ARAP2: variants seen among roughly 807,000 people sequenced by gnomAD.
ARAP2 encodes the protein arf-GAP with Rho-GAP domain, ANK repeat and PH domain-containing protein 2.
Under a neutral mutation model 194.5 loss-of-function variants are expected in ARAP2, and 148 were observed. That is an observed-to-expected ratio of 0.76 (90% CI 0.67 to 0.87). The LOEUF (loss-of-function observed/expected upper bound fraction) is 0.87. Among genes scored for constraint, ARAP2 ranks in the 40% least tolerant of loss-of-function variants. ARAP2 has a pLI of 0.00. For missense variants in ARAP2, 2,128 were observed against 1,989.7 expected (o/e 1.07, Z -1.32); for synonymous variants, 695 against 683.5 (o/e 1.02, Z -0.26).
rs1446647585 is a variant in ARAP2 at position 36,067,172 on chromosome 4, T to C, written c.*735A>G. 1 of 152,418 alleles carries C rather than the reference T, an allele frequency of 6.6e-6. No individual in the cohort carries two copies. Among genetic ancestry groups the C allele is most frequent in the Non-Finnish European group, 1.5e-5 (1 of 68,040 alleles). The allele number at this position is 152,418 out of a possible 1,614,324, so 9.4% of individuals were successfully genotyped here. A position where few individuals can be genotyped will look rare whatever the true frequency, so the allele number is the denominator to read the frequency against. ...GCTCAAACGTAGTGAATCTGTAATG[T>C]GGCTGGTTTTCTAACACTATAAATA... On this transcript the variant is annotated 3_prime_UTR_variant, in exon 33 of 33. Coordinates refer to ENST00000303965, the MANE Select transcript of ARAP2 (RefSeq NM_015230.4).
At position 36,072,667 on chromosome 4, in the gene ARAP2, C is replaced by CAAA. The variant is rs34942520; in HGVS notation, c.4743+1019_4743+1021dup. On this transcript the variant is annotated intron_variant, in intron 32 of 32. Transcript: ENST00000303965. Reference sequence around the variant, plus strand: ...GAGCGGTTTATTACCTAAAAAAAAACAAAAAAAAAACCCCAAAAAAAACAA... The same window carrying CAAA: ...GAGCGGTTTATTACCTAAAAAAAAACAAAAAAAAAAAAACCCCAAAAAAAACAA... Among the ~76,000 whole-genome samples, 44 of 128,654 alleles carry CAAA rather than the reference C, an allele frequency of 3.4e-4. 1 individual carries two copies. The highest frequency in any genetic ancestry group is 3.0e-3 in the Admixed American group (40 of 13,240). 84.4% of individuals were successfully genotyped at this position (128,654 alleles called of 152,430 possible).
intron 20 of ARAP2, 70 bp from the exon 21 acceptor site, chr4:36,128,815 A>C (rs1007431868): frequency 1.6e-6 from 2 of 1,243,536 alleles, no homozygotes; most frequent in Non-Finnish European, 2.3e-6. Flanking sequence ...TTTTAAAAAC[A>C]AAACAAATGT....
chr4:36,226,200 C>T (rs1750269136), intron 2 of ARAP2, among the ~76,000 whole-genome samples: 1 of 151,810 alleles, frequency 6.6e-6, no homozygotes, highest in African/African-American at 2.4e-5. Context: ...AAATTATTTA[C>T]TACTAATTTT....
downstream of ARAP2, among the ~76,000 whole-genome samples, chr4:36,064,505 C>G (rs1310655629): frequency 6.6e-6 from 1 of 152,146 alleles, no homozygotes; most frequent in Non-Finnish European, 1.5e-5. Flanking sequence ...ACTTGCTGGC[C>G]CAGTTTGGGC....
intron 25 of ARAP2, among the ~76,000 whole-genome samples, chr4:36,114,935 T>C (rs1320559087): frequency 2.0e-5 from 3 of 152,168 alleles, no homozygotes; most frequent in Non-Finnish European, 1.5e-5. Context: ...TTTGTTTCTT[T>C]TTGTTTTTGC....
intron 20 of ARAP2, among the ~76,000 whole-genome samples, chr4:36,132,067 A>T (rs1725583921): frequency 6.6e-6 from 1 of 151,804 alleles, no homozygotes; most frequent in Admixed American, 6.6e-5. Flanking sequence ...TCCCTAGAAC[A>T]AGAGATTAAA....
At chr4:36,242,522 C>T (rs10015238) in intron 1 of ARAP2, among the ~76,000 whole-genome samples, 8,142 of 152,132 alleles carry the variant, frequency 0.054, 741 homozygotes, top group African/African-American at 0.19. Context: ...CAGAATTCTA[C>T]GTAGACTTTA....
intron 28 of ARAP2, among the ~76,000 whole-genome samples, chr4:36,091,048 A>C (rs749332010): frequency 7.2e-5 from 11 of 152,136 alleles, no homozygotes; most frequent in Non-Finnish European, 1.0e-4. Context: ...TGTATATATA[A>C]TACACATATA....
chr4:36,151,095 A>G (rs1730862718), intron 15 of ARAP2, 51 bp from the exon 16 acceptor site: 1 of 1,508,206 alleles, frequency 6.6e-7, no homozygotes. Flanking sequence ...CACGAATCCA[A>G]TTTTAAAAAC....
At chr4:36,100,960 C>T (rs111232114) in intron 27 of ARAP2, among the ~76,000 whole-genome samples, 30 of 151,632 alleles carry the variant, frequency 2.0e-4, no homozygotes, top group African/African-American at 6.8e-4. Context: ...CCATGGATGC[C>T]GCATCTGTCA....
Position 36,167,032 on chromosome 4 carries a change from G to T in ARAP2, c.1873C>A (p.Leu625Ile). 6.4e-7 allele frequency: 1 copy of T among 1,569,876 alleles called. No homozygotes were observed. Among genetic ancestry groups the T allele is most frequent in the Non-Finnish European group, 8.6e-7 (1 of 1,159,332 alleles). The part of the protein sequence containing the change: ...CKNEQDFKSG[L>I]GITIIPMNVA... ...TTCATAGGAATTATGGTAATACCAA[G>T]TCCACTCTTAAAATCCTAGTTTGGA... Residue 625 changes from leucine (L) to isoleucine (I), a missense_variant, in exon 10 of 33, where the codon CTT (leucine) becomes ATT (isoleucine). Physicochemically the swap from Leu to Ile is conservative, Grantham distance 5. Coordinates refer to ENST00000303965, the MANE Select transcript of ARAP2 (RefSeq NM_015230.4).
chr4:36,211,307 G>A (rs1159186381), intron 5 of ARAP2, among the ~76,000 whole-genome samples: 1 of 152,108 alleles, frequency 6.6e-6, no homozygotes, highest in Non-Finnish European at 1.5e-5. Flanking sequence ...TAGCTAGAAA[G>A]CAAGAAAGGG....
intron 1 of ARAP2, among the ~76,000 whole-genome samples, chr4:36,231,142 T>G (rs1326459904): frequency 6.6e-6 from 1 of 151,976 alleles, no homozygotes; most frequent in Non-Finnish European, 1.5e-5. Context: ...ATGGAGACCA[T>G]CCTGGCCAAC....
At chr4:36,155,806 A>C (rs1022678105) in intron 15 of ARAP2, among the ~76,000 whole-genome samples, 2 of 152,028 alleles carry the variant, frequency 1.3e-5, no homozygotes, top group Non-Finnish European at 2.9e-5. Context: ...ATAAAAAATA[A>C]GGTTATATTC....
chr4:36,132,757 A>T (rs1412395610), intron 20 of ARAP2, among the ~76,000 whole-genome samples: 1 of 151,768 alleles, frequency 6.6e-6, no homozygotes, highest in Non-Finnish European at 1.5e-5. Context: ...TATGCTTCTG[A>T]ATATAAACTA....
At chr4:36,072,994 T>G (rs1342276519) in intron 32 of ARAP2, among the ~76,000 whole-genome samples, 1 of 152,186 alleles carries the variant, frequency 6.6e-6, no homozygotes, top group East Asian at 1.9e-4. Context: ...TCAAGGAAGA[T>G]ATAAGAACAC....
In ARAP2 at chr4:36,067,085, G is replaced by A. The variant is rs984461791; in HGVS notation, c.*822C>T. ...ACAGTGCAATCAGCATCCAGGCCAG[G>A]TCCTGTGTACACAACCTCTCCAATG... is the stretch of plus-strand genomic sequence containing the variant. On this transcript the variant is annotated 3_prime_UTR_variant, in exon 33 of 33. Coordinates refer to ENST00000303965, the MANE Select transcript of ARAP2 (RefSeq NM_015230.4). 1.3e-5 allele frequency: 2 copies of A among 152,214 alleles called. No individual in the cohort carries two copies. Among genetic ancestry groups the A allele is most frequent in the African/African-American group, 2.4e-5 (1 of 41,446 alleles). 9.4% of individuals were successfully genotyped at this position (152,214 alleles called of 1,614,324 possible).
intron 1 of ARAP2, among the ~76,000 whole-genome samples, chr4:36,233,786 T>C (rs1236315021): frequency 4.6e-5 from 7 of 152,250 alleles, no homozygotes; most frequent in Non-Finnish European, 1.0e-4. Flanking sequence ...TCTGTCACTA[T>C]AATTATTTTC....
intron 2 of ARAP2, among the ~76,000 whole-genome samples, chr4:36,220,140 G>A (rs1748825599): frequency 6.6e-6 from 1 of 152,042 alleles, no homozygotes; most frequent in African/African-American, 2.4e-5. Context: ...TACGTCTTTG[G>A]TAACTTGCAC....
Sources: gnomAD v4.1 joint callset for allele counts (sites outside exome capture counted in the v4.1 genomes callset) on GRCh38, gnomAD v4.1.1 for gene constraint, MANE v1.5 for transcripts, NCBI Gene and HGNC (gene_info 2026-07-23, HGNC 2026-07-21) for gene names.